The following SRRM4 variants were observed in gnomAD, a reference collection of about 807,000 sequenced individuals.
SRRM4 encodes the protein serine/arginine repetitive matrix 4, also known as serine/arginine repetitive matrix protein 4.
In SRRM4, 33 loss-of-function variants were observed where a neutral mutation model predicts 68.9. That is an observed-to-expected ratio of 0.48 (90% CI 0.36 to 0.64). The LOEUF is 0.64. SRRM4 is among the 30% of genes least tolerant of loss of function. SRRM4 has a pLI of 0.00. For synonymous variants in SRRM4, 318 were observed against 318.8 expected (o/e 1.00, Z 0.03); for missense variants, 817 against 827.1 (o/e 0.99, Z 0.15).
intron 1 of SRRM4, among the ~76,000 whole-genome samples, chr12:118,995,675 T>A (rs1953344563): frequency 6.6e-6 from 1 of 152,346 alleles, no homozygotes; most frequent in South Asian, 2.1e-4. Flanking sequence ...GACTTCTAAC[T>A]GCAACGCTTA....
At chr12:119,118,455 G>T (rs1954195289) in intron 4 of SRRM4, among the ~76,000 whole-genome samples, 1 of 152,220 alleles carries the variant, frequency 6.6e-6, no homozygotes, top group Non-Finnish European at 1.5e-5. Context: ...CCACATCTCA[G>T]TGCTGGTTGC....
At chr12:119,006,830 T>C (rs1171140380) in intron 1 of SRRM4, among the ~76,000 whole-genome samples, 2 of 152,236 alleles carry the variant, frequency 1.3e-5, no homozygotes, top group Non-Finnish European at 2.9e-5. Flanking sequence ...CCAATGCTCC[T>C]GCTGGAGATG....
At chr12:119,030,027 G>C (rs896796510) in intron 1 of SRRM4, among the ~76,000 whole-genome samples, 2 of 152,182 alleles carry the variant, frequency 1.3e-5, no homozygotes, top group African/African-American at 2.4e-5. Flanking sequence ...GACTAAGCTG[G>C]GGAACGTTTC....
chr12:119,074,642 A>G (rs1481145141), intron 1 of SRRM4, among the ~76,000 whole-genome samples: 1 of 152,150 alleles, frequency 6.6e-6, no homozygotes, highest in Non-Finnish European at 1.5e-5. Context: ...AAGTACCAGC[A>G]CCTTATTACT....
intron 2 of SRRM4, among the ~76,000 whole-genome samples, chr12:119,113,828 T>C (rs1954159829): frequency 6.6e-6 from 1 of 152,156 alleles, no homozygotes; most frequent in South Asian, 2.1e-4. Flanking sequence ...ACATTAGACC[T>C]TGGCAAATAT....
At chr12:119,052,336 T>C (rs548038559) in intron 1 of SRRM4, among the ~76,000 whole-genome samples, 2 of 152,220 alleles carry the variant, frequency 1.3e-5, no homozygotes, top group East Asian at 1.9e-4. Context: ...TTCATGTATG[T>C]CTCTCTGGTG....
intron 1 of SRRM4, among the ~76,000 whole-genome samples, chr12:119,038,611 A>C (rs181517209): frequency 1.3e-5 from 2 of 152,270 alleles, no homozygotes; most frequent in Admixed American, 1.3e-4. Context: ...AGTTGTTCTC[A>C]ACTCAGCAAA....
chr12:119,027,558 G>A (rs550283016), intron 1 of SRRM4, among the ~76,000 whole-genome samples: 1 of 152,268 alleles, frequency 6.6e-6, no homozygotes, highest in East Asian at 1.9e-4. Context: ...TACCCTGCAT[G>A]ATGCAAATGA....
intron 3 of SRRM4, among the ~76,000 whole-genome samples, chr12:119,114,763 C>G (rs950639262): frequency 6.9e-6 from 1 of 144,888 alleles, no homozygotes; most frequent in African/African-American, 2.5e-5. Context: ...CTCCCAGGTT[C>G]ACTCCATTCT....
intron 1 of SRRM4, among the ~76,000 whole-genome samples, chr12:118,995,739 G>A (rs557647474): frequency 1.1e-4 from 17 of 152,300 alleles, no homozygotes; most frequent in Middle Eastern, 3.4e-3. Flanking sequence ...TTATTCTTCA[G>A]ATGCACAATA....
At chr12:118,989,227 G>A (rs747343638) in intron 1 of SRRM4, among the ~76,000 whole-genome samples, 2 of 152,268 alleles carry the variant, frequency 1.3e-5, no homozygotes, top group South Asian at 2.1e-4. Flanking sequence ...CTCTGATGCA[G>A]CCAGTGATGA....
chr12:119,084,036 A>C (rs1045733430), intron 1 of SRRM4, among the ~76,000 whole-genome samples: 38 of 152,164 alleles, frequency 2.5e-4, no homozygotes, highest in African/African-American at 8.0e-4. Context: ...TTGAATCCTC[A>C]CTACGGCCCT....
Position 118,981,711 on chromosome 12 carries a change from C to T in SRRM4, c.-172C>T. On this transcript the variant is annotated 5_prime_UTR_variant, in exon 1 of 13. Transcript: ENST00000267260. ...GCGGACGAGCCTCCTTTCTCTGCTG[C>T]CTGCCCGGGCTGGGGCGTCCCATCC... 1.4e-6 allele frequency: 1 copy of T among 691,364 alleles called. No homozygotes were observed. The highest frequency in any genetic ancestry group is 3.2e-5 in the Admixed American group (1 of 30,950). The allele number at this position is 691,364 out of a possible 1,614,324, so 42.8% of individuals were successfully genotyped here.
chr12:119,156,532 C>A lies in SRRM4; in HGVS notation c.1570C>A (p.Pro524Thr). 2.5e-6 allele frequency: 4 copies of A among 1,610,882 alleles called. No homozygotes were observed. Among genetic ancestry groups the A allele is most frequent in the Non-Finnish European group, 3.4e-6 (4 of 1,179,212 alleles). ...CCCCATCCCCTACTATCGGCCCAGC[C>A]CCTCCTCATCCGGCAGCCTCAGCAG... is the stretch of plus-strand genomic sequence containing the variant. ...KRPIPYYRPSPSSSGSLSSTS... is the reference protein window; with the variant it reads ...KRPIPYYRPSTSSSGSLSSTS... Residue 524 changes from proline (P) to threonine (T), a missense_variant, in exon 13 of 13, where the codon CCC becomes ACC. By Grantham distance (38) the Pro-to-Thr change is conservative. Coordinates refer to ENST00000267260, the MANE Select transcript of SRRM4 (RefSeq NM_194286.4).
At chr12:119,045,488 C>A (rs1264796702) in intron 1 of SRRM4, among the ~76,000 whole-genome samples, 1 of 147,720 alleles carries the variant, frequency 6.8e-6, no homozygotes, top group East Asian at 2.0e-4. Context: ...TCCCCCGCTC[C>A]CCCCCGCCCC....
chr12:119,092,414 T>C (rs1210967482), intron 1 of SRRM4, among the ~76,000 whole-genome samples: 1 of 151,674 alleles, frequency 6.6e-6, no homozygotes, highest in Non-Finnish European at 1.5e-5. Context: ...CTAACTGGCA[T>C]CTCAAAAACT....
chr12:119,116,748 A>C (rs773019427), intron 3 of SRRM4, 189 bp from the exon 4 acceptor site: 4 of 537,774 alleles, frequency 7.4e-6, no homozygotes, highest in Non-Finnish European at 1.3e-5. Context: ...TCAAATGAAA[A>C]GTAAAATTAA....
chr12:119,103,949 G>A (rs1954092088), intron 2 of SRRM4, among the ~76,000 whole-genome samples: 2 of 152,192 alleles, frequency 1.3e-5, no homozygotes, highest in Non-Finnish European at 2.9e-5. Context: ...GTTGCAGTGA[G>A]CCGAGATCGC....
At chr12:119,137,017 T>C (rs2136061118) in intron 8 of SRRM4, among the ~76,000 whole-genome samples, 1 of 152,314 alleles carries the variant, frequency 6.6e-6, no homozygotes, top group East Asian at 1.9e-4. Context: ...AATGAATCCA[T>C]TCTTTTGCTG....
Sources: gnomAD v4.1 joint callset for allele counts (sites outside exome capture counted in the v4.1 genomes callset) on GRCh38, gnomAD v4.1.1 for gene constraint, MANE v1.5 for transcripts, NCBI Gene and HGNC (gene_info 2026-07-23, HGNC 2026-07-21) for gene names.